FOXP3: variants seen among roughly 807,000 people sequenced by gnomAD.
The protein encoded by FOXP3 is forkhead box P3, also known as forkhead box protein P3.
FOXP3 carries 5 observed loss-of-function variants against 31.2 expected under a neutral mutation model. The ratio of observed to expected loss-of-function variants is 0.16; its 90% CI spans 0.08 to 0.34. FOXP3 has a LOEUF of 0.34. Ranked by LOEUF, FOXP3 falls within the 10% of genes least tolerant of loss-of-function variation. The pLI is 1.00. For synonymous variants in FOXP3, 141 were observed against 148.8 expected (o/e 0.95, Z 0.38); for missense variants, 251 against 363.0 (o/e 0.69, Z 2.51).
intron 8 of FOXP3, 65 bp downstream of exon 8, chrX:49,255,364 G>A (rs782542330): frequency 2.1e-5 from 22 of 1,064,460 alleles, no homozygotes; most frequent in African/African-American, 3.7e-5. Context: ...TCCCTGCACC[G>A]TGCAGACCTC....
In FOXP3 at chrX:49,251,774, TG is replaced by T. The variant is rs782012008; in HGVS notation, c.1045-10del. 8.3e-7 allele frequency: 1 copy of T among 1,198,628 alleles called. No homozygotes were observed. Among genetic ancestry groups the T allele is most frequent in the Non-Finnish European group, 1.1e-6 (1 of 894,534 alleles). On this transcript the variant is annotated splice_polypyrimidine_tract_variant and intron_variant, in intron 10 of 11. Coordinates refer to ENST00000376207, the MANE Select transcript of FOXP3 (RefSeq NM_014009.4). ...GGAGCCTCCAGGATGGCCTGGAAGTTGGGGGGTGGGGTAAGGGGCACATTCC... is the reference window on the plus strand; with the variant it reads ...GGAGCCTCCAGGATGGCCTGGAAGTTGGGGGTGGGGTAAGGGGCACATTCC...
Position 49,257,411 on chromosome X carries a change from CG to C in FOXP3, c.454+15del. On this transcript the variant is annotated intron_variant, in intron 4 of 11. Transcript: ENST00000376207. ...GGGGGTTCTGTGAAGCCATGGGGTA[CG>C]GGCTGAGGTGTTACCAGGTGGGAGG... is the stretch of plus-strand genomic sequence containing the variant. 1 of 1,133,250 alleles carries C rather than the reference CG, an allele frequency of 8.8e-7. No individual in the cohort carries two copies. The highest frequency in any genetic ancestry group is 1.2e-6 in the Non-Finnish European group (1 of 858,152). The allele number at this position is 1,133,250 out of a possible 1,213,427, so 93.4% of individuals were successfully genotyped here.
At chrX:49,258,600 GT>G (rs1282822458) in intron 1 of FOXP3, 73 bp from the exon 2 acceptor site, 29 of 865,518 alleles carry the variant, frequency 3.4e-5, no homozygotes, top group Non-Finnish European at 3.8e-5. Context: ...CCTGAGCCAC[GT>G]GGACACTCCT....
chrX:49,255,429 C>T lies in FOXP3; in HGVS notation c.816G>A (p.Val272=), dbSNP rs1557116149. The change falls in exon 8 of 12, where the codon GTG becomes GTA. Residue 272 remains valine (V), a splice_region_variant and synonymous_variant. Transcript: ENST00000376207. ...GKMALTKASS[V]ASSDKGSCCI... Reference sequence around the variant, plus strand: ...CACCACCAGTCCTGGGGTCGCTCACCACAGATGAAGCCTTGGTCAGTGCCA... The same window carrying T: ...CACCACCAGTCCTGGGGTCGCTCACTACAGATGAAGCCTTGGTCAGTGCCA... 8.3e-7 allele frequency: 1 copy of T among 1,203,627 alleles called. No individual in the cohort carries two copies.
chrX:49,251,643 C>T (rs376305998), intron 11 of FOXP3, 21 bp downstream of exon 11: 36 of 1,209,273 alleles, frequency 3.0e-5, no homozygotes, highest in South Asian at 5.3e-5. Flanking sequence ...TCCCAGTCAC[C>T]GCCACCTCAG....
At position 49,253,219 on chromosome X, in the gene FOXP3, A is replaced by T. The variant is rs782368278; in HGVS notation, c.968-17T>A. On this transcript the variant is annotated splice_polypyrimidine_tract_variant and intron_variant, in intron 9 of 11. Transcript: ENST00000376207. ...GGAGGAACTCTGTCAGAGGGTGGGG[A>T]TGAATCAAGCCCCATGCAGGACCTC... 5 of 1,187,576 alleles carry T rather than the reference A, an allele frequency of 4.2e-6. No homozygotes were observed. The East Asian group carries it at 1.2e-4, about 28-fold the overall frequency.
rs782530463 is a variant in FOXP3 at position 49,251,639 on chromosome X, T to A, written c.1146+25A>T. On this transcript the variant is annotated intron_variant, in intron 11 of 11. Transcript: ENST00000376207. The stretch of plus-strand genomic sequence containing the variant: ...GCGATGGCACTTGAGGCCATCCCAG[T>A]CACCGCCACCTCAGAGGAGCTCACC... 2.5e-6 allele frequency: 3 copies of A among 1,209,267 alleles called. No individual in the cohort carries two copies. The South Asian group carries it at 5.3e-5, about 21-fold the overall frequency.
chrX:49,258,039 T>C (rs1475925353), intron 2 of FOXP3, among the ~76,000 whole-genome samples: 1 of 112,136 alleles, frequency 8.9e-6, no homozygotes, highest in African/African-American at 3.2e-5. Context: ...GCTATGCTCA[T>C]GGGACTACAA....
In FOXP3 at chrX:49,256,748, C is replaced by T; in HGVS notation, c.647+3G>A. On this transcript the variant is annotated splice_donor_region_variant and intron_variant, in intron 6 of 11. Coordinates refer to ENST00000376207, the MANE Select transcript of FOXP3 (RefSeq NM_014009.4). Reference sequence around the variant, plus strand: ...TAGACTGGCACAGGCCTGGGCCACTCACTTGAGGAAGTCCTCTGGCTCTTC... The same window carrying T: ...TAGACTGGCACAGGCCTGGGCCACTTACTTGAGGAAGTCCTCTGGCTCTTC... 8.3e-7 allele frequency: 1 copy of T among 1,209,479 alleles called. No homozygotes were observed. The highest frequency in any genetic ancestry group is 1.1e-6 in the Non-Finnish European group (1 of 892,998).
At chrX:49,253,229 C>T in intron 9 of FOXP3, 27 bp from the exon 10 acceptor site, 4 of 1,169,100 alleles carry the variant, frequency 3.4e-6, no homozygotes, top group Non-Finnish European at 4.7e-6. Context: ...ATGAATCAAG[C>T]CCCATGCAGG....
chrX:49,259,625 TCCGGGC>T (rs2066098174), intron 1 of FOXP3, among the ~76,000 whole-genome samples: 1 of 110,572 alleles, frequency 9.0e-6, no homozygotes, highest in African/African-American at 3.3e-5. Context: ...CCACAATGGC[TCCGGGC>T]CCCCTGCTGA....
chrX:49,261,956 C>T (rs184407970), intron 1 of FOXP3, among the ~76,000 whole-genome samples: 33 of 112,427 alleles, frequency 2.9e-4, no homozygotes, highest in East Asian at 1.1e-3. Flanking sequence ...GGCCCTTCTA[C>T]GCTGTCTGGT....
At chrX:49,255,229 G>T (rs1247426987) in intron 8 of FOXP3, among the ~76,000 whole-genome samples, 200 bp downstream of exon 8, 4 of 112,516 alleles carry the variant, frequency 3.6e-5, no homozygotes, top group African/African-American at 1.3e-4. Flanking sequence ...TTACAGGCGT[G>T]AGCCACCACG....
Position 49,253,118 on chromosome X carries a change from C to G in FOXP3, c.1044+8G>C. 1 of 1,207,171 alleles carries G rather than the reference C, an allele frequency of 8.3e-7. No individual in the cohort carries two copies. The highest frequency in any genetic ancestry group is 1.1e-6 in the Non-Finnish European group (1 of 892,429). On this transcript the variant is annotated splice_region_variant and intron_variant, in intron 10 of 11. Transcript: ENST00000376207. ...TCCTCCTCCTTGGGGCCGAGCTGCC[C>G]TGCTTACCCAGCGGATGAGCGTGGC...
At chrX:49,259,392 C>T (rs1557116920) in intron 1 of FOXP3, among the ~76,000 whole-genome samples, 2 of 110,291 alleles carry the variant, frequency 1.8e-5, no homozygotes, top group Non-Finnish European at 3.8e-5. Flanking sequence ...TGATCATGCA[C>T]GGATCCAGCA....
At chrX:49,255,404 C>T (rs1001683545) in intron 8 of FOXP3, 25 bp downstream of exon 8, 1 of 1,187,982 alleles carries the variant, frequency 8.4e-7, no homozygotes, top group Non-Finnish European at 1.1e-6. Context: ...CTGAGTCTGC[C>T]ACCACCAGTC....
chrX:49,257,148 A>C, intron 4 of FOXP3, 136 bp from the exon 5 acceptor site: 3 of 596,752 alleles, frequency 5.0e-6, no homozygotes, highest in Non-Finnish European at 7.8e-6. Context: ...GCTGTCCCCA[A>C]AGTCCCAGGC....
intron 1 of FOXP3, 33 bp from the exon 2 acceptor site, chrX:49,258,560 T>C (rs1380202127): frequency 1.0e-5 from 11 of 1,054,208 alleles, no homozygotes; most frequent in African/African-American, 3.8e-5. Context: ...GAGTCACACG[T>C]GTGCTAGGGC....
At chrX:49,258,618 A>C in intron 1 of FOXP3, 91 bp from the exon 2 acceptor site, 1 of 760,838 alleles carries the variant, frequency 1.3e-6, no homozygotes, top group South Asian at 3.0e-5. Context: ...TCCTCTGGTC[A>C]AAGCAGGCAT....
Sources: allele counts gnomAD v4.1 joint callset (sites outside exome capture counted in the v4.1 genomes callset), GRCh38; gene constraint gnomAD v4.1.1; transcripts MANE v1.5; gene names NCBI Gene and HGNC (gene_info 2026-07-23, HGNC 2026-07-21).